MNAT1: variants seen among roughly 807,000 people sequenced by gnomAD.
MNAT1 encodes the protein CDK-activating kinase assembly factor MAT1.
In MNAT1, 43 loss-of-function variants were observed where a neutral mutation model predicts 42.0. The ratio of observed to expected loss-of-function variants is 1.02; its 90% CI spans 0.80 to 1.32. The LOEUF (loss-of-function observed/expected upper bound fraction) is 1.32, where lower values mean the gene tolerates loss of function less well. Ranked by LOEUF, MNAT1 falls within the 40% of genes most tolerant of loss-of-function variation. The pLI is 0.00. For missense variants in MNAT1, 306 were observed against 350.4 expected, an observed-to-expected ratio of 0.87 and a Z score of 1.01; for synonymous variants, 118 against 120.0, an observed-to-expected ratio of 0.98 and a Z score of 0.11.
chr14:60,742,847 T>G (rs1896512476), intron 1 of MNAT1, among the ~76,000 whole-genome samples: 1 of 152,260 alleles, frequency 6.6e-6, no homozygotes, highest in Non-Finnish European at 1.5e-5. Context: ...TTTTTATTGC[T>G]GAATATTATT....
At chr14:60,818,682 C>G in intron 5 of MNAT1, 40 bp from the exon 6 acceptor site, 1 of 1,490,498 alleles carries the variant, frequency 6.7e-7, no homozygotes, top group Non-Finnish European at 9.0e-7. Context: ...TTTAGTTTTC[C>G]CTTTTTACAT....
chr14:60,913,220 C>G (rs1229865851), intron 7 of MNAT1, among the ~76,000 whole-genome samples: 1 of 152,096 alleles, frequency 6.6e-6, no homozygotes, highest in African/African-American at 2.4e-5. Flanking sequence ...TCTAGTTGTC[C>G]ATTCGTCTAA....
intron 7 of MNAT1, among the ~76,000 whole-genome samples, chr14:60,917,636 T>G (rs760229688): frequency 1.5e-4 from 23 of 152,060 alleles, no homozygotes; most frequent in Middle Eastern, 3.4e-3. Flanking sequence ...TTTTTTGTTT[T>G]TTTTTTTATG....
intron 7 of MNAT1, among the ~76,000 whole-genome samples, chr14:60,903,985 C>T (rs898217381): frequency 2.6e-5 from 4 of 151,480 alleles, no homozygotes; most frequent in Non-Finnish European, 4.4e-5. Flanking sequence ...AATTCTCCTG[C>T]CTCAGCCTCC....
intron 7 of MNAT1, among the ~76,000 whole-genome samples, chr14:60,912,914 A>G (rs1053172170): frequency 7.2e-5 from 11 of 152,210 alleles, no homozygotes; most frequent in Admixed American, 4.6e-4. Flanking sequence ...AATATCCTGC[A>G]GAGTGTTTTC....
chr14:60,773,675 C>G (rs897300155), intron 1 of MNAT1, among the ~76,000 whole-genome samples: 10 of 152,066 alleles, frequency 6.6e-5, no homozygotes, highest in Non-Finnish European at 1.5e-4. Context: ...TCAGAAAGAA[C>G]AGGAATTGTT....
intron 7 of MNAT1, among the ~76,000 whole-genome samples, chr14:60,921,530 A>T (rs1429326870): frequency 6.6e-6 from 1 of 152,068 alleles, no homozygotes; most frequent in Non-Finnish European, 1.5e-5. Flanking sequence ...ATTAAATGTC[A>T]CCTCTCTTCC....
rs141354156 is a variant in MNAT1, at chr14:60,831,527, A to C, written c.687+12680A>C. 1.1e-3 allele frequency among the ~76,000 whole-genome samples: 168 copies of C among 152,246 alleles called. No homozygotes were observed. The East Asian group carries it at 0.023, about 21-fold the overall frequency. On this transcript the variant is annotated intron_variant, in intron 6 of 7. Coordinates refer to ENST00000261245, the MANE Select transcript of MNAT1 (RefSeq NM_002431.4). ...TGACCTCATCCTTTTTTATGGCTAC[A>C]TAGTATTCCATGGTGTATACGTGCC...
Position 60,808,384 on chromosome 14 carries a change from C to A in MNAT1, c.376C>A (p.Gln126Lys). The A allele has an allele frequency of 6.3e-7, 1 of 1,578,850 alleles. No homozygotes were observed. Among genetic ancestry groups the A allele is most frequent in the South Asian group, 1.2e-5 (1 of 84,136 alleles). Residue 126 changes from glutamine to lysine, a missense_variant, in exon 4 of 8, where the codon CAA becomes AAA. Transcript: ENST00000261245. ...CACCAAAAAGAAAATGGAGATATAC[C>A]AAAAGGAAAACAAAGATGTTATTCA... ...DNTKKKMEIY[Q>K]KENKDVIQKN...
At chr14:60,802,982 G>C (rs887343948) in intron 3 of MNAT1, among the ~76,000 whole-genome samples, 3 of 150,390 alleles carry the variant, frequency 2.0e-5, no homozygotes, top group African/African-American at 7.4e-5. Context: ...GCCCAGGCTG[G>C]AGTGTAGTGG....
intron 6 of MNAT1, among the ~76,000 whole-genome samples, chr14:60,820,205 T>C (rs1209670593): frequency 6.6e-6 from 1 of 152,072 alleles, no homozygotes. Context: ...AGTATTCAGA[T>C]GACACAATGT....
chr14:60,833,341 A>G (rs1466440855), intron 6 of MNAT1, among the ~76,000 whole-genome samples: 1 of 152,202 alleles, frequency 6.6e-6, no homozygotes, highest in Non-Finnish European at 1.5e-5. Flanking sequence ...TGTTATTTTG[A>G]GATACATTCC....
At position 60,796,214 on chromosome 14, in the gene MNAT1, C is replaced by T. The variant is rs2032013845; in HGVS notation, c.90-3C>T. Reference sequence around the variant, plus strand: ...ATGTTATGTTTTATTTCTGTCCTTACAGCTGTGAAAGTTGTGTAGATTTAC... The same window carrying T: ...ATGTTATGTTTTATTTCTGTCCTTATAGCTGTGAAAGTTGTGTAGATTTAC... On this transcript the variant is annotated splice_region_variant and splice_polypyrimidine_tract_variant and intron_variant, in intron 1 of 7. Transcript: ENST00000261245. 2 of 1,609,620 alleles carry T rather than the reference C, an allele frequency of 1.2e-6. No homozygotes were observed. Among genetic ancestry groups the T allele is most frequent in the Non-Finnish European group, 1.7e-6 (2 of 1,178,236 alleles).
At chr14:60,889,758 AAAAC>A (rs1247568449) in intron 7 of MNAT1, among the ~76,000 whole-genome samples, 3 of 152,224 alleles carry the variant, frequency 2.0e-5, no homozygotes, top group African/African-American at 4.8e-5. Context: ...TTTGCAAGAA[AAAAC>A]AAACAACCCC....
In MNAT1 at chr14:60,798,090, C is replaced by A. The variant is rs774207911; in HGVS notation, c.246C>A (p.Tyr82Ter). ...TTTCTTTTTTCTTTTCTTAAAGATA[C>A]AATAAAAGGGAAGAAGATTTTCCTA... ...VEIRKKVLKIYNKREEDFPSL... is the reference protein window; with the variant it reads ...VEIRKKVLKI The change falls in exon 3 of 8, where the codon TAC becomes TAA. Residue 82 changes from tyrosine to a stop codon, truncating the protein, a stop_gained. Coordinates refer to ENST00000261245, the MANE Select transcript of MNAT1 (RefSeq NM_002431.4). LOFTEE classifies it high-confidence loss of function. The A allele has an allele frequency of 2.9e-6, 4 of 1,377,308 alleles. No homozygotes were observed. The African/African-American group carries it at 4.3e-5, about 15-fold the overall frequency. The allele number at this position is 1,377,308 out of a possible 1,614,324, so 85.3% of individuals were successfully genotyped here.
intron 6 of MNAT1, among the ~76,000 whole-genome samples, chr14:60,832,830 G>T (rs2033264452): frequency 1.3e-5 from 2 of 152,152 alleles, no homozygotes; most frequent in Admixed American, 1.3e-4. Context: ...CTTTCCATTT[G>T]TTTGTGTCCT....
At chr14:60,876,970 C>T (rs1043010769) in intron 6 of MNAT1, among the ~76,000 whole-genome samples, 18 of 152,050 alleles carry the variant, frequency 1.2e-4, no homozygotes, top group Non-Finnish European at 2.5e-4. Flanking sequence ...ATTGTTGGAT[C>T]ATGTGGTAAT....
intron 7 of MNAT1, among the ~76,000 whole-genome samples, chr14:60,939,328 T>A (rs1309131233): frequency 6.6e-6 from 1 of 152,198 alleles, no homozygotes; most frequent in East Asian, 1.9e-4. Context: ...GATGTTAAGA[T>A]GTGAATTTTA....
At chr14:60,817,143 T>C (rs1054961165) in intron 5 of MNAT1, among the ~76,000 whole-genome samples, 5 of 151,920 alleles carry the variant, frequency 3.3e-5, no homozygotes, top group Non-Finnish European at 5.9e-5. Context: ...ATTTTTCTTT[T>C]GTTAGTTTCT....
Sources: allele counts gnomAD v4.1 joint callset (sites outside exome capture counted in the v4.1 genomes callset), GRCh38; gene constraint gnomAD v4.1.1; transcripts MANE v1.5; gene names NCBI Gene and HGNC (gene_info 2026-07-23, HGNC 2026-07-21).